GRID2: variants seen among roughly 807,000 people sequenced by gnomAD.
GRID2 encodes the protein glutamate ionotropic receptor delta type subunit 2, also known as glutamate receptor ionotropic, delta-2.
A neutral mutation model predicts 114.8 loss-of-function variants in GRID2; 33 were observed. The ratio of observed to expected loss-of-function variants is 0.29; its 90% CI spans 0.22 to 0.38. GRID2 has a LOEUF of 0.38. Among genes scored for constraint, GRID2 ranks in the 10% least tolerant of loss-of-function variants. The pLI is 1.00. For missense variants in GRID2, 1,184 were observed against 1,257.7 expected (o/e 0.94, Z 0.89); for synonymous variants, 505 against 449.9 (o/e 1.12, Z -1.55).
intron 14 of GRID2, among the ~76,000 whole-genome samples, chr4:93,654,553 T>C (rs1158496299): frequency 6.6e-6 from 1 of 152,154 alleles, no homozygotes; most frequent in Non-Finnish European, 1.5e-5. Context: ...TTACAGACTA[T>C]AGTGCCTGAG....
chr4:93,249,745 A>G (rs1277419777), intron 8 of GRID2, among the ~76,000 whole-genome samples: 2 of 152,180 alleles, frequency 1.3e-5, no homozygotes, highest in African/African-American at 4.8e-5. Context: ...ATATGAAAAA[A>G]AGCTCATTAT....
At chr4:92,509,463 A>C (rs750350423) in intron 1 of GRID2, among the ~76,000 whole-genome samples, 1 of 152,082 alleles carries the variant, frequency 6.6e-6, no homozygotes, top group Middle Eastern at 3.4e-3. Context: ...AGTACCTACT[A>C]AATGCACTGA....
chr4:92,522,356 C>G (rs932150663), intron 1 of GRID2, among the ~76,000 whole-genome samples: 1 of 151,868 alleles, frequency 6.6e-6, no homozygotes, highest in Non-Finnish European at 1.5e-5. Flanking sequence ...GAACAGAGAG[C>G]AAGACGATGC....
chr4:93,790,973 G>A (rs112844834), intron 1 of GRID2, among the ~76,000 whole-genome samples: 1 of 152,260 alleles, frequency 6.6e-6, no homozygotes, highest in African/African-American at 2.4e-5. Flanking sequence ...GTTCACAGTA[G>A]GCTCAAAATA....
intron 2 of GRID2, among the ~76,000 whole-genome samples, chr4:92,678,050 T>C (rs1733464629): frequency 6.6e-6 from 1 of 152,098 alleles, no homozygotes; most frequent in Non-Finnish European, 1.5e-5. Context: ...TTGCACTCAT[T>C]ATGTCCTGTC....
At chr4:92,708,148 A>G (rs1735045086) in intron 2 of GRID2, among the ~76,000 whole-genome samples, 2 of 152,208 alleles carry the variant, frequency 1.3e-5, no homozygotes, top group Non-Finnish European at 2.9e-5. Context: ...AGTCCAGGGA[A>G]GCACTGGACT....
intron 1 of GRID2, among the ~76,000 whole-genome samples, chr4:92,523,782 G>A (rs1287469968): frequency 6.6e-6 from 1 of 151,928 alleles, no homozygotes. Context: ...GTGACAACAG[G>A]GGCTCAGAGA....
chr4:92,923,666 C>T (rs939177196), intron 2 of GRID2, among the ~76,000 whole-genome samples: 1 of 152,154 alleles, frequency 6.6e-6, no homozygotes, highest in African/African-American at 2.4e-5. Flanking sequence ...ACATTATACA[C>T]ATACTACTTT....
At chr4:93,164,841 G>T (rs900623838) in intron 4 of GRID2, 2 of 340,888 alleles carry the variant, frequency 5.9e-6, no homozygotes, top group African/African-American at 2.1e-5. Flanking sequence ...AGTAAGCTTT[G>T]ACTACTGTTC....
At chr4:93,352,320 A>T (rs1579782342) in intron 8 of GRID2, among the ~76,000 whole-genome samples, 1 of 152,060 alleles carries the variant, frequency 6.6e-6, no homozygotes, top group Admixed American at 6.6e-5. Flanking sequence ...TATCTATTTT[A>T]AAAAACCTAT....
intron 2 of GRID2, among the ~76,000 whole-genome samples, chr4:93,035,529 C>T (rs1305828622): frequency 2.6e-5 from 4 of 152,112 alleles, no homozygotes; most frequent in African/African-American, 9.7e-5. Flanking sequence ...GGGTCGCCTG[C>T]AAACTGAGCA....
chr4:93,633,841 C>G (rs572731138), intron 14 of GRID2, among the ~76,000 whole-genome samples: 1 of 152,058 alleles, frequency 6.6e-6, no homozygotes, highest in Non-Finnish European at 1.5e-5. Flanking sequence ...AATCCTAATC[C>G]TTTAATACCC....
chr4:92,804,772 G>T (rs1044221282), intron 2 of GRID2, among the ~76,000 whole-genome samples: 6 of 151,980 alleles, frequency 3.9e-5, no homozygotes, highest in Non-Finnish European at 7.4e-5. Context: ...GGGAAGTAAA[G>T]TATTTCTAGT....
chr4:92,998,660 G>A lies in GRID2; in HGVS notation c.245-86335G>A, dbSNP rs1912717. Among the ~76,000 whole-genome samples the A allele has an allele frequency of 2.4e-3, 356 of 151,406 alleles. 2 individuals carry two copies. Among genetic ancestry groups the A allele is most frequent in the African/African-American group, 8.1e-3 (334 of 41,386 alleles). On this transcript the variant is annotated intron_variant, in intron 2 of 15. Transcript: ENST00000282020. Reference sequence around the variant, plus strand: ...TGTTATATGTGTATGTGTTTTCTGGGAAGAGGGTCCATAGCTCTTGTCAGA... The same window carrying A: ...TGTTATATGTGTATGTGTTTTCTGGAAAGAGGGTCCATAGCTCTTGTCAGA...
intron 14 of GRID2, among the ~76,000 whole-genome samples, chr4:93,687,182 A>G (rs967016220): frequency 1.3e-5 from 2 of 152,036 alleles, no homozygotes; most frequent in Non-Finnish European, 2.9e-5. Context: ...TAAGACAAAA[A>G]TAAAGGATGT....
chr4:93,426,940 G>A (rs1351603625), intron 10 of GRID2, among the ~76,000 whole-genome samples: 1 of 151,944 alleles, frequency 6.6e-6, no homozygotes, highest in Non-Finnish European at 1.5e-5. Flanking sequence ...GCAGGTGGAG[G>A]AGAAGAAACC....
chr4:92,305,001 C>A (rs1725301870), intron 1 of GRID2, among the ~76,000 whole-genome samples: 1 of 152,120 alleles, frequency 6.6e-6, no homozygotes, highest in Non-Finnish European at 1.5e-5. Flanking sequence ...TCGAGTTGAC[C>A]TGAGTGTGAG....
At position 92,688,629 on chromosome 4, in the gene GRID2, G is replaced by T. The variant is rs952691886; in HGVS notation, c.244+98343G>T. On this transcript the variant is annotated intron_variant, in intron 2 of 15. Coordinates refer to ENST00000282020, the MANE Select transcript of GRID2 (RefSeq NM_001510.4). Reference sequence around the variant, plus strand: ...ACCAACCTACTCAGTCACATCTTTAGGGTTCACTTCTAATTTTACTTCTCT... The same window carrying T: ...ACCAACCTACTCAGTCACATCTTTATGGTTCACTTCTAATTTTACTTCTCT... 5.3e-5 allele frequency among the ~76,000 whole-genome samples: 8 copies of T among 152,038 alleles called. 1 individual carries two copies. In the South Asian group the frequency reaches 1.7e-3, roughly 32 times the overall value.
chr4:92,944,581 T>C (rs1447618009), intron 2 of GRID2, among the ~76,000 whole-genome samples: 1 of 152,144 alleles, frequency 6.6e-6, no homozygotes, highest in Non-Finnish European at 1.5e-5. Flanking sequence ...ACCCACTGTC[T>C]GACACTCCCC....
Sources: gnomAD v4.1 joint callset for allele counts (sites outside exome capture counted in the v4.1 genomes callset) on GRCh38, gnomAD v4.1.1 for gene constraint, MANE v1.5 for transcripts, NCBI Gene and HGNC (gene_info 2026-07-23, HGNC 2026-07-21) for gene names.